The following RHOQ variants were observed in gnomAD, a reference collection of about 807,000 sequenced individuals.
RHOQ encodes the protein rho-related GTP-binding protein RhoQ.
Under a neutral mutation model 25.8 loss-of-function variants are expected in RHOQ, and 7 were observed. The observed-to-expected ratio is 0.27, with a 90% CI of 0.15 to 0.51. The LOEUF is 0.51. Among genes scored for constraint, RHOQ ranks in the 20% least tolerant of loss-of-function variants. RHOQ has a pLI of 0.97. For synonymous variants in RHOQ, 97 were observed against 98.6 expected, an observed-to-expected ratio of 0.98 and a Z score of 0.10; for missense variants, 165 against 260.6, an observed-to-expected ratio of 0.63 and a Z score of 2.53.
chr2:46,582,535 T>C lies in RHOQ; in HGVS notation c.*1452T>C, dbSNP rs1311925381. 2.0e-5 allele frequency: 3 copies of C among 152,324 alleles called. No individual in the cohort carries two copies. Among genetic ancestry groups the C allele is most frequent in the Non-Finnish European group, 2.9e-5 (2 of 68,030 alleles). The allele number at this position is 152,324 out of a possible 1,614,324, so 9.4% of individuals were successfully genotyped here. Reference sequence around the variant, plus strand: ...GATAATGGTGTTAGACAAAGCTTCATTGTGAACAACCTAATGCATTTTAGA... The same window carrying C: ...GATAATGGTGTTAGACAAAGCTTCACTGTGAACAACCTAATGCATTTTAGA... On this transcript the variant is annotated 3_prime_UTR_variant, in exon 5 of 5. Transcript: ENST00000238738.
At chr2:46,544,819 C>T (rs1192475464) in intron 2 of RHOQ, among the ~76,000 whole-genome samples, 1 of 152,192 alleles carries the variant, frequency 6.6e-6, no homozygotes, top group Non-Finnish European at 1.5e-5. Flanking sequence ...AGTAGAATTT[C>T]CTTATCTGCA....
chr2:46,544,187 G>T (rs1179460392), intron 2 of RHOQ, among the ~76,000 whole-genome samples: 4 of 152,166 alleles, frequency 2.6e-5, no homozygotes, highest in African/African-American at 9.7e-5. Context: ...TCCCTCATTG[G>T]TGAGTGGTCT....
At chr2:46,574,632 C>T (rs183229476) in intron 2 of RHOQ, among the ~76,000 whole-genome samples, 4 of 152,200 alleles carry the variant, frequency 2.6e-5, no homozygotes, top group Non-Finnish European at 4.4e-5. Context: ...TTTCCCCTGT[C>T]GTCATGTGAT....
Position 46,556,675 on chromosome 2 carries a change from C to G in RHOQ, c.201+12863C>G, listed in dbSNP as rs2103996220. 6.6e-6 allele frequency among the ~76,000 whole-genome samples: 1 copy of G among 152,152 alleles called. No homozygotes were observed. Among genetic ancestry groups the G allele is most frequent in the African/African-American group, 2.4e-5 (1 of 41,464 alleles). On this transcript the variant is annotated intron_variant, in intron 2 of 4. Transcript: ENST00000238738. The surrounding 1 kb of genome is among the most constrained non-coding windows in gnomAD (Gnocchi z 4.9). ...CAAAATTCCATCCGATCGGGTTCTT[C>G]CCCCGTAGGAGTTTACAGTCCAGTT... is the stretch of plus-strand genomic sequence containing the variant.
chr2:46,547,401 AG>A (rs917885127), intron 2 of RHOQ, among the ~76,000 whole-genome samples: 1 of 152,258 alleles, frequency 6.6e-6, no homozygotes, highest in African/African-American at 2.4e-5. Flanking sequence ...CTTCTAGAGC[AG>A]GCTGCTTTCC....
intron 2 of RHOQ, among the ~76,000 whole-genome samples, chr2:46,570,572 T>C (rs1318455227): frequency 6.6e-6 from 1 of 152,242 alleles, no homozygotes. Context: ...CTTCATGACA[T>C]GTGTCCTCTG....
rs1221009073 is a variant in RHOQ at position 46,582,685 on chromosome 2, G to A, written c.*1602G>A. The A allele has an allele frequency of 6.6e-6, 1 of 152,540 alleles. No individual in the cohort carries two copies. The highest frequency in any genetic ancestry group is 1.5e-5 in the Non-Finnish European group (1 of 68,024). 9.4% of individuals were successfully genotyped at this position (152,540 alleles called of 1,614,324 possible). A position where few individuals can be genotyped will look rare whatever the true frequency, so the allele number is the denominator to read the frequency against. ...TCACATGACTTGAGCTTATAGCTAT[G>A]TCTACTGCACAGATTGGGTAATGGA... is the stretch of plus-strand genomic sequence containing the variant. On this transcript the variant is annotated 3_prime_UTR_variant, in exon 5 of 5. Coordinates refer to ENST00000238738, the MANE Select transcript of RHOQ (RefSeq NM_012249.4).
At chr2:46,570,578 C>T (rs187926589) in intron 2 of RHOQ, among the ~76,000 whole-genome samples, 369 of 152,304 alleles carry the variant, frequency 2.4e-3, no homozygotes, top group African/African-American at 7.9e-3. Context: ...GACATGTGTC[C>T]TCTGGACTTC....
chr2:46,543,257 G>A (rs998794012), intron 1 of RHOQ, 69 bp downstream of exon 1: 1 of 1,574,688 alleles, frequency 6.4e-7, no homozygotes, highest in Non-Finnish European at 8.7e-7. Flanking sequence ...CTTTGGCGGA[G>A]CCCCCTCGCC....
At position 46,561,001 on chromosome 2, in the gene RHOQ, A is replaced by AACAC. The variant is rs61040858; in HGVS notation, c.202-15048_202-15045dup. 3.7e-3 allele frequency among the ~76,000 whole-genome samples: 516 copies of AACAC among 141,338 alleles called. 5 individuals carry two copies. Among genetic ancestry groups the AACAC allele is most frequent in the East Asian group, 0.025 (118 of 4,732 alleles). 92.7% of individuals were successfully genotyped at this position (141,338 alleles called of 152,430 possible). On this transcript the variant is annotated intron_variant, in intron 2 of 4. Transcript: ENST00000238738. Reference sequence around the variant, plus strand: ...AGAGTGTCCTACTATAGACCCCATAAACACACACACACACACACACACACA... The same window carrying AACAC: ...AGAGTGTCCTACTATAGACCCCATAAACACACACACACACACACACACACACACA...
intron 2 of RHOQ, among the ~76,000 whole-genome samples, chr2:46,554,121 GTT>G (rs35825900): frequency 0.026 from 3,867 of 145,934 alleles, 178 homozygotes; most frequent in African/African-American, 0.092. Flanking sequence ...GTGTGTGTGT[GTT>G]TTTTTTTTTT....
Position 46,577,610 on chromosome 2 carries a change from T to C in RHOQ, c.462+954T>C, listed in dbSNP as rs1445896786. On this transcript the variant is annotated intron_variant, in intron 4 of 4. Coordinates refer to ENST00000238738, the MANE Select transcript of RHOQ (RefSeq NM_012249.4). ...TTTTTCATTTTTAGTGGAGATGGGGTTTTACCATGTTAGCCAGGATGGTCT... is the reference window on the plus strand; with the variant it reads ...TTTTTCATTTTTAGTGGAGATGGGGCTTTACCATGTTAGCCAGGATGGTCT... Among the ~76,000 whole-genome samples the C allele has an allele frequency of 3.6e-5, 5 of 137,854 alleles. No individual in the cohort carries two copies. The East Asian group carries it at 1.1e-3, about 31-fold the overall frequency. 90.4% of individuals were successfully genotyped at this position (137,854 alleles called of 152,430 possible). A position where few individuals can be genotyped will look rare whatever the true frequency, so the allele number is the denominator to read the frequency against.
intron 2 of RHOQ, among the ~76,000 whole-genome samples, chr2:46,545,323 A>C (rs1396734264): frequency 6.6e-6 from 1 of 152,194 alleles, no homozygotes; most frequent in Non-Finnish European, 1.5e-5. Context: ...GAAGCTTTTA[A>C]AAAATCGCCT....
rs1432731345 is a variant in RHOQ, at chr2:46,582,131, C to T, written c.*1048C>T. 1 of 153,744 alleles carries T rather than the reference C, an allele frequency of 6.5e-6. No individual in the cohort carries two copies. The highest frequency in any genetic ancestry group is 2.4e-5 in the African/African-American group (1 of 41,348). The allele number at this position is 153,744 out of a possible 1,614,324, so 9.5% of individuals were successfully genotyped here. ...AACCACAGCAGAAGTTATAGAGCGA[C>T]AACTTATATACACACCTAGAATGTA... On this transcript the variant is annotated 3_prime_UTR_variant, in exon 5 of 5. Transcript: ENST00000238738.
chr2:46,564,327 A>G (rs1411871329), intron 2 of RHOQ, among the ~76,000 whole-genome samples: 2 of 152,194 alleles, frequency 1.3e-5, no homozygotes, highest in Non-Finnish European at 1.5e-5. Context: ...GAAAAATTAA[A>G]AAATAAAGTA....
intron 2 of RHOQ, among the ~76,000 whole-genome samples, chr2:46,553,326 T>C (rs1011758026): frequency 6.6e-6 from 1 of 152,144 alleles, no homozygotes; most frequent in Non-Finnish European, 1.5e-5. Flanking sequence ...TTTTTTTTAT[T>C]TTTTCAATTT....
At chr2:46,563,191 G>T (rs529893073) in intron 2 of RHOQ, among the ~76,000 whole-genome samples, 21 of 152,280 alleles carry the variant, frequency 1.4e-4, no homozygotes, top group African/African-American at 4.8e-4. Flanking sequence ...AACAAAGAGG[G>T]GTTGTGTGGG....
At chr2:46,557,968 G>A (rs766042471) in intron 2 of RHOQ, among the ~76,000 whole-genome samples, 1 of 152,146 alleles carries the variant, frequency 6.6e-6, no homozygotes, top group Non-Finnish European at 1.5e-5. Flanking sequence ...GCCATGTAGT[G>A]TACTATGATT....
intron 2 of RHOQ, among the ~76,000 whole-genome samples, chr2:46,547,216 T>C (rs929230923): frequency 2.0e-5 from 3 of 152,212 alleles, no homozygotes; most frequent in East Asian, 3.8e-4. Flanking sequence ...TGGGCACTCA[T>C]TGTATTTGAA....
Sources: gnomAD v4.1 joint callset for allele counts (sites outside exome capture counted in the v4.1 genomes callset) on GRCh38, gnomAD v4.1.1 for gene constraint, Gnocchi (gnomAD v3.1) non-coding constraint, MANE v1.5 for transcripts, NCBI Gene and HGNC (gene_info 2026-07-23, HGNC 2026-07-21) for gene names.